The following VPS13B variants were observed in gnomAD, a reference collection of about 807,000 sequenced individuals.
The protein encoded by VPS13B is vacuolar protein sorting 13 homolog B, also known as intermembrane lipid transfer protein VPS13B.
Under a neutral mutation model 426.4 loss-of-function variants are expected in VPS13B, and 285 were observed. The observed-to-expected ratio is 0.67, with a 90% CI of 0.61 to 0.74. VPS13B has a LOEUF of 0.74. Ranked by LOEUF, VPS13B falls within the 30% of genes least tolerant of loss-of-function variation. The pLI, the probability that VPS13B is intolerant of heterozygous loss-of-function variation, is 0.00. For missense variants in VPS13B, 4,537 were observed against 4,782.6 expected (o/e 0.95, Z 1.51); for synonymous variants, 1,676 against 1,676.4 (o/e 1.00, Z 0.01).
intron 55 of VPS13B, among the ~76,000 whole-genome samples, chr8:99,852,986 G>A (rs1413297456): frequency 6.6e-6 from 1 of 152,114 alleles, no homozygotes; most frequent in African/African-American, 2.4e-5. Flanking sequence ...GGGTGGTTCC[G>A]CCCCAGAAAT....
rs755030644 is a variant in VPS13B at position 99,779,110 on chromosome 8, A to T, written c.7779+79A>T. The T allele has an allele frequency of 1.5e-5, 20 of 1,325,266 alleles. No homozygotes were observed. The African/African-American group carries it at 2.6e-4, about 17-fold the overall frequency. 82.1% of individuals were successfully genotyped at this position (1,325,266 alleles called of 1,614,324 possible). ...GTTCTGTATGCTATCACTTCTGATAATAAGTTCAACACAAACAAAAATGTT... is the reference window on the plus strand; with the variant it reads ...GTTCTGTATGCTATCACTTCTGATATTAAGTTCAACACAAACAAAAATGTT... On this transcript the variant is annotated intron_variant, in intron 42 of 61. Transcript: ENST00000357162.
chr8:99,872,553 A>G (rs1197303054), intron 61 of VPS13B, among the ~76,000 whole-genome samples: 2 of 152,214 alleles, frequency 1.3e-5, no homozygotes, highest in African/African-American at 4.8e-5. Context: ...AGCCCAGCCC[A>G]GGGTAAAAAC....
At chr8:99,167,448 A>G (rs895468008) in intron 15 of VPS13B, among the ~76,000 whole-genome samples, 5 of 152,054 alleles carry the variant, frequency 3.3e-5, no homozygotes, top group Admixed American at 6.5e-5. Context: ...CATGTGTTTT[A>G]TAATGGCAGT....
intron 21 of VPS13B, among the ~76,000 whole-genome samples, chr8:99,417,751 ACTT>A (rs144865457): frequency 8.4e-4 from 127 of 151,324 alleles, no homozygotes; most frequent in African/African-American, 2.9e-3. Context: ...TTATCTCTCT[ACTT>A]CTTTTCTCCT....
chr8:99,391,727 G>A, intron 21 of VPS13B, 23 bp downstream of exon 21: 3 of 1,612,328 alleles, frequency 1.9e-6, no homozygotes, highest in Non-Finnish European at 2.5e-6. Flanking sequence ...TACTGTAAAG[G>A]GACTATGATT....
chr8:99,686,690 T>G (rs1406065138), intron 35 of VPS13B, among the ~76,000 whole-genome samples: 2 of 151,898 alleles, frequency 1.3e-5, no homozygotes, highest in Non-Finnish European at 2.9e-5. Flanking sequence ...TCCCACAAGG[T>G]CCAAGGGCTC....
intron 19 of VPS13B, among the ~76,000 whole-genome samples, chr8:99,338,851 G>A (rs1811075779): frequency 6.6e-6 from 1 of 152,096 alleles, no homozygotes; most frequent in African/African-American, 2.4e-5. Flanking sequence ...CATACAGGAA[G>A]ACATGTATTC....
rs1347636851 is a variant in VPS13B, at chr8:99,272,493, G to A, written c.2516-1705G>A. ...ACACATACTTAAGTCCTCAGTAAAT[G>A]TTAATTGATTAGAGTTAATTGTCAT... is the stretch of plus-strand genomic sequence containing the variant. On this transcript the variant is annotated intron_variant, in intron 17 of 61. Coordinates refer to ENST00000357162, the MANE Select transcript of VPS13B (RefSeq NM_152564.5). Among the ~76,000 whole-genome samples the A allele has an allele frequency of 2.6e-5, 4 of 152,202 alleles. No individual in the cohort carries two copies. The East Asian group carries it at 7.7e-4, about 29-fold the overall frequency.
intron 25 of VPS13B, among the ~76,000 whole-genome samples, chr8:99,491,692 G>T (rs1250258195): frequency 6.6e-6 from 1 of 152,100 alleles, no homozygotes; most frequent in Non-Finnish European, 1.5e-5. Flanking sequence ...TAGTTCTCGT[G>T]CTGTGGTTTT....
At chr8:99,668,040 T>A (rs939301304) in intron 35 of VPS13B, among the ~76,000 whole-genome samples, 1 of 152,178 alleles carries the variant, frequency 6.6e-6, no homozygotes, top group African/African-American at 2.4e-5. Context: ...GGTAATGACA[T>A]TGTGTTATCA....
intron 61 of VPS13B, chr8:99,873,127 A>C (rs1346524543): frequency 6.6e-6 from 1 of 152,230 alleles, no homozygotes; most frequent in East Asian, 1.9e-4. Context: ...GTCCTTAATG[A>C]GAAACCTCCA....
chr8:99,115,879 TG>T lies in VPS13B; in HGVS notation c.937+6del, dbSNP rs1206681431. 6.2e-7 allele frequency: 1 copy of T among 1,610,696 alleles called. No homozygotes were observed. The highest frequency in any genetic ancestry group is 8.5e-7 in the Non-Finnish European group (1 of 1,179,024). ...ATATGCTAGGAAACATTACAGGTAA[TG>T]TAAAACTTTATTAAACAAAAACTTT... On this transcript the variant is annotated splice_donor_region_variant and intron_variant, in intron 7 of 61. Transcript: ENST00000357162.
chr8:99,145,692 A>G (rs767690722), intron 13 of VPS13B, among the ~76,000 whole-genome samples: 5 of 151,470 alleles, frequency 3.3e-5, no homozygotes, highest in Non-Finnish European at 4.4e-5. Flanking sequence ...TTGTATACAT[A>G]TACTATAGTT....
chr8:99,328,266 G>A (rs1810384959), intron 19 of VPS13B, among the ~76,000 whole-genome samples: 1 of 152,072 alleles, frequency 6.6e-6, no homozygotes, highest in African/African-American at 2.4e-5. Flanking sequence ...CCAAGTCCGT[G>A]GTAAAATTGT....
intron 19 of VPS13B, among the ~76,000 whole-genome samples, chr8:99,335,869 A>G (rs1237965017): frequency 6.6e-6 from 1 of 152,210 alleles, no homozygotes; most frequent in African/African-American, 2.4e-5. Flanking sequence ...AAAAGAGGAT[A>G]CAAACAAATG....
chr8:99,538,261 T>G (rs1034096164), intron 30 of VPS13B, among the ~76,000 whole-genome samples: 1 of 152,176 alleles, frequency 6.6e-6, no homozygotes. Context: ...ATTATACATG[T>G]TCTTTGTTAT....
intron 36 of VPS13B, among the ~76,000 whole-genome samples, chr8:99,702,269 G>C (rs1389934457): frequency 6.6e-6 from 1 of 152,112 alleles, no homozygotes; most frequent in Non-Finnish European, 1.5e-5. Context: ...GCTCAATGGA[G>C]TTGATGTCAG....
chr8:99,589,283 C>G (rs1826474917), intron 33 of VPS13B, among the ~76,000 whole-genome samples: 1 of 151,520 alleles, frequency 6.6e-6, no homozygotes, highest in African/African-American at 2.4e-5. Flanking sequence ...TATATATGTG[C>G]CATGTTGGTG....
chr8:99,418,515 CCTTTCTTTCTTTCTCTTTCT>C, intron 21 of VPS13B, among the ~76,000 whole-genome samples: 1 of 82,234 alleles, frequency 1.2e-5, no homozygotes, highest in South Asian at 3.7e-4. Flanking sequence ...TTCTTTCTTT[CCTTTCTTTCTTTCTCTTTCT>C]TTTCTTTTCT....
Sources: allele counts gnomAD v4.1 joint callset (sites outside exome capture counted in the v4.1 genomes callset), GRCh38; gene constraint gnomAD v4.1.1; transcripts MANE v1.5; gene names NCBI Gene and HGNC (gene_info 2026-07-23, HGNC 2026-07-21).